Variants in RFTN1 observed in about 807,000 individuals in gnomAD.
RFTN1 encodes the protein raftlin, lipid raft linker 1.
RFTN1 carries 26 observed loss-of-function variants against 46.5 expected under a neutral mutation model. The ratio of observed to expected loss-of-function variants is 0.56; its 90% CI spans 0.41 to 0.78. RFTN1 has a LOEUF of 0.78. Ranked by LOEUF, RFTN1 falls within the 30% of genes least tolerant of loss-of-function variation. RFTN1 has a pLI of 0.00. For missense variants in RFTN1, 693 were observed against 718.7 expected (o/e 0.96, Z 0.41); for synonymous variants, 261 against 284.2 (o/e 0.92, Z 0.82).
chr3:16,365,071 T>C (rs1458080922), intron 6 of RFTN1, among the ~76,000 whole-genome samples: 1 of 152,190 alleles, frequency 6.6e-6, no homozygotes, highest in Non-Finnish European at 1.5e-5. Context: ...CATGAGAAAA[T>C]GCATTTAATG....
At chr3:16,366,005 G>A (rs2073144218) in intron 6 of RFTN1, among the ~76,000 whole-genome samples, 1 of 152,240 alleles carries the variant, frequency 6.6e-6, no homozygotes, top group East Asian at 1.9e-4. Context: ...AAGAGGTGGA[G>A]GACTGCCAGG....
intron 4 of RFTN1, among the ~76,000 whole-genome samples, chr3:16,388,665 C>A (rs981494058): frequency 6.6e-6 from 1 of 152,194 alleles, no homozygotes; most frequent in African/African-American, 2.4e-5. Flanking sequence ...CCAAGTCAAT[C>A]TTCCCCTCAG....
At chr3:16,510,712 TG>T (rs2076883686) in intron 1 of RFTN1, among the ~76,000 whole-genome samples, 2 of 152,228 alleles carry the variant, frequency 1.3e-5, no homozygotes, top group African/African-American at 4.8e-5. Flanking sequence ...GGAAAAGGTC[TG>T]GCAGTTTCTT....
Position 16,507,619 on chromosome 3 carries a change from C to CACATAT in RFTN1, c.-9+5822_-9+5823insATATGT, listed in dbSNP as rs1553605708. The stretch of plus-strand genomic sequence containing the variant: ...TTCAAAACACACACACACACACACA[C>CACATAT]ACATACACACACACATGCACACATC... On this transcript the variant is annotated intron_variant, in intron 1 of 9. Coordinates refer to ENST00000334133, the MANE Select transcript of RFTN1 (RefSeq NM_015150.2). The surrounding 1 kb of genome is among the most constrained non-coding windows in gnomAD (Gnocchi z 7.1). Among the ~76,000 whole-genome samples, 3 of 150,224 alleles carry CACATAT rather than the reference C, an allele frequency of 2.0e-5. No homozygotes were observed. Among genetic ancestry groups the CACATAT allele is most frequent in the Admixed American group, 2.0e-4 (3 of 15,048 alleles).
intron 3 of RFTN1, among the ~76,000 whole-genome samples, chr3:16,431,413 T>C (rs1486157464): frequency 2.6e-5 from 4 of 151,998 alleles, no homozygotes; most frequent in African/African-American, 9.7e-5. Context: ...CCCTGAGACC[T>C]GCTATATCAG....
Position 16,353,180 on chromosome 3 carries a change from T to C in RFTN1, c.1146+4752A>G, listed in dbSNP as rs1159585362. ...GACAGTGGTTACCAGAAAAGCAGAG[T>C]TAACTAGAAGCCAAAAGGGACCTGC... On this transcript the variant is annotated intron_variant, in intron 7 of 9. Transcript: ENST00000334133. The surrounding 1 kb of genome is among the most constrained non-coding windows in gnomAD (Gnocchi z 5.4). 6.6e-6 allele frequency among the ~76,000 whole-genome samples: 1 copy of C among 151,862 alleles called. No homozygotes were observed. The highest frequency in any genetic ancestry group is 6.6e-5 in the Admixed American group (1 of 15,252).
intron 1 of RFTN1, among the ~76,000 whole-genome samples, chr3:16,501,943 G>A (rs896673033): frequency 6.6e-6 from 1 of 152,166 alleles, no homozygotes; most frequent in African/African-American, 2.4e-5. Flanking sequence ...GGTTTATATG[G>A]TACCACTTTT....
Position 16,370,138 on chromosome 3 carries a change from C to T in RFTN1, c.968G>A (p.Ser323Asn), listed in dbSNP as rs747411818. The T allele has an allele frequency of 1.2e-6, 2 of 1,614,092 alleles. No individual in the cohort carries two copies. The highest frequency in any genetic ancestry group is 8.5e-7 in the Non-Finnish European group (1 of 1,180,056). ...GLDANWLEHM[S>N]DHFRKGGMLV... is the part of the protein sequence containing the mutation. ...CATGCCTCCTTTCCGGAAGTGGTCG[C>T]TCATGTGCTCTAACCAGTTGGCGTC... Residue 323 changes from serine (S) to asparagine (N), a missense_variant, in exon 6 of 10, where the codon AGC (serine) becomes AAC (asparagine). Ser to Asn is a conservative substitution (Grantham distance 46, BLOSUM62 1). Coordinates refer to ENST00000334133, the MANE Select transcript of RFTN1 (RefSeq NM_015150.2). This position sits in a 1 kb window ranked among gnomAD's most constrained non-coding sequence, Gnocchi z 5.5.
rs933026769 is a variant in RFTN1 at position 16,338,046 on chromosome 3, C to T, written c.1147-11170G>A. On this transcript the variant is annotated intron_variant, in intron 7 of 9. Transcript: ENST00000334133. This position sits in a 1 kb window ranked among gnomAD's most constrained non-coding sequence, Gnocchi z 5.3. ...TGTTGCCCTGGCTTCTCCTAAAGCA[C>T]CATGCCAAGCTGGCAAGAAAACCAA... 5.9e-5 allele frequency among the ~76,000 whole-genome samples: 9 copies of T among 152,194 alleles called. No homozygotes were observed. Among genetic ancestry groups the T allele is most frequent in the African/African-American group, 1.7e-4 (7 of 41,444 alleles).
At position 16,434,054 on chromosome 3, in the gene RFTN1, A is replaced by G. The variant is rs774497190; in HGVS notation, c.146-17T>C. On this transcript the variant is annotated splice_polypyrimidine_tract_variant and intron_variant, in intron 2 of 9. Transcript: ENST00000334133. ...GGAGCTCCGCTGGAGTGGAGAGAGG[A>G]GAGGCTCATCAAAGACCCATCACAA... 2 of 1,561,276 alleles carry G rather than the reference A, an allele frequency of 1.3e-6. No individual in the cohort carries two copies.
Position 16,327,815 on chromosome 3 carries a change from A to ATT in RFTN1, c.1147-940_1147-939insAA, listed in dbSNP as rs1553719469. Among the ~76,000 whole-genome samples, 1 of 151,648 alleles carries ATT rather than the reference A, an allele frequency of 6.6e-6. No homozygotes were observed. The highest frequency in any genetic ancestry group is 1.5e-5 in the Non-Finnish European group (1 of 67,962). ...CAGCCCCCTGCTAGCACAGGGAGAG[A>ATT]GCCCTGATGTGAGGCCCCTGCACTG... On this transcript the variant is annotated intron_variant, in intron 7 of 9. Transcript: ENST00000334133. The surrounding 1 kb of genome is among the most constrained non-coding windows in gnomAD (Gnocchi z 4.2).
At chr3:16,357,715 C>G (rs377485754) in intron 7 of RFTN1, among the ~76,000 whole-genome samples, 1 of 152,164 alleles carries the variant, frequency 6.6e-6, no homozygotes, top group African/African-American at 2.4e-5. Flanking sequence ...ATGCAATGTG[C>G]TTTTCTTGCA....
rs1257806807 is a variant in RFTN1 at position 16,356,006 on chromosome 3, T to C, written c.1146+1926A>G. On this transcript the variant is annotated intron_variant, in intron 7 of 9. Transcript: ENST00000334133. The surrounding 1 kb of genome is among the most constrained non-coding windows in gnomAD (Gnocchi z 4.9). Reference sequence around the variant, plus strand: ...TTTGGGTGCAGCCATGCATCGCTACTGTTACAGCCAAATGTTACGGAGCAA... The same window carrying C: ...TTTGGGTGCAGCCATGCATCGCTACCGTTACAGCCAAATGTTACGGAGCAA... Among the ~76,000 whole-genome samples the C allele has an allele frequency of 1.3e-5, 2 of 152,226 alleles. No individual in the cohort carries two copies. Among genetic ancestry groups the C allele is most frequent in the African/African-American group, 2.4e-5 (1 of 41,454 alleles).
At chr3:16,331,475 A>C (rs1012139396) in intron 7 of RFTN1, among the ~76,000 whole-genome samples, 2 of 152,192 alleles carry the variant, frequency 1.3e-5, no homozygotes, top group African/African-American at 4.8e-5. Context: ...CAAATAATGC[A>C]CTATGACCAT....
At chr3:16,494,352 C>T (rs545728016) in intron 1 of RFTN1, among the ~76,000 whole-genome samples, 1 of 152,278 alleles carries the variant, frequency 6.6e-6, no homozygotes, top group Admixed American at 6.5e-5. Context: ...TCCTTTCTAC[C>T]CTCAACAGTA....
In RFTN1 at chr3:16,316,687, A is replaced by AG; in HGVS notation, c.*140dup. On this transcript the variant is annotated 3_prime_UTR_variant, in exon 10 of 10. Coordinates refer to ENST00000334133, the MANE Select transcript of RFTN1 (RefSeq NM_015150.2). This position sits in a 1 kb window ranked among gnomAD's most constrained non-coding sequence, Gnocchi z 4.5. ...CAGGAACCTGGCCCTGGGAGGGCTC[A>AG]GGTGAGCTCACAAGGAGAGGTCAAG... 1.1e-6 allele frequency: 1 copy of AG among 924,814 alleles called. No individual in the cohort carries two copies. Among genetic ancestry groups the AG allele is most frequent in the Non-Finnish European group, 1.7e-6 (1 of 588,806 alleles). 57.3% of individuals were successfully genotyped at this position (924,814 alleles called of 1,614,324 possible). A position where few individuals can be genotyped will look rare whatever the true frequency, so the allele number is the denominator to read the frequency against.
In RFTN1 at chr3:16,418,360, G is replaced by A. The variant is rs1347476591; in HGVS notation, c.333-8877C>T. On this transcript the variant is annotated intron_variant, in intron 3 of 9. Coordinates refer to ENST00000334133, the MANE Select transcript of RFTN1 (RefSeq NM_015150.2). This position sits in a 1 kb window ranked among gnomAD's most constrained non-coding sequence, Gnocchi z 5.0. ...TAAACATGTAATAAATCCCATTTTGGCTCATAAATCCCTTAGATCTCTTCA... is the reference window on the plus strand; with the variant it reads ...TAAACATGTAATAAATCCCATTTTGACTCATAAATCCCTTAGATCTCTTCA... Among the ~76,000 whole-genome samples the A allele has an allele frequency of 6.6e-6, 1 of 152,060 alleles. No individual in the cohort carries two copies. The highest frequency in any genetic ancestry group is 1.5e-5 in the Non-Finnish European group (1 of 68,006).
chr3:16,453,901 AGCAAAATGCAAATAATGCAAATAAT>A (rs1434295143), intron 2 of RFTN1, among the ~76,000 whole-genome samples: 16 of 152,384 alleles, frequency 1.0e-4, no homozygotes, highest in Admixed American at 1.3e-4. Flanking sequence ...AATTAAGGCA[AGCAAAATGCAAATAATGCAAATAAT>A]GCAAAATGCA....
At chr3:16,369,440 A>G (rs1378575709) in intron 6 of RFTN1, among the ~76,000 whole-genome samples, 1 of 152,204 alleles carries the variant, frequency 6.6e-6, no homozygotes, top group Non-Finnish European at 1.5e-5. Flanking sequence ...TGGTGACTCA[A>G]CTTGCCTTCT....
Sources: gnomAD v4.1 joint callset for allele counts (sites outside exome capture counted in the v4.1 genomes callset) on GRCh38, gnomAD v4.1.1 for gene constraint, Gnocchi (gnomAD v3.1) non-coding constraint, MANE v1.5 for transcripts, NCBI Gene and HGNC (gene_info 2026-07-23, HGNC 2026-07-21) for gene names.